The following PCDHA3 variants were observed in gnomAD, a reference collection of about 807,000 sequenced individuals.
PCDHA3 encodes protocadherin alpha 3.
Under a neutral mutation model 62.2 loss-of-function variants are expected in PCDHA3, and 41 were observed. The observed-to-expected ratio is 0.66, with a 90% CI of 0.51 to 0.86. The LOEUF is 0.86. Among genes scored for constraint, PCDHA3 ranks in the 40% least tolerant of loss-of-function variants. PCDHA3 has a pLI of 0.00. For missense variants in PCDHA3, 1,304 were observed against 1,241.2 expected (o/e 1.05, Z -0.76); for synonymous variants, 640 against 555.4 (o/e 1.15, Z -2.14).
Position 140,927,906 on chromosome 5 carries a change from C to T in PCDHA3, c.2395-51043C>T, listed in dbSNP as rs116016831. On this transcript the variant is annotated intron_variant, in intron 1 of 3. Coordinates refer to ENST00000522353, the MANE Select transcript of PCDHA3 (RefSeq NM_018906.3). ...TGACTGACGTGAACGATCATGCCCC[C>T]GAACTGGACTTCCTGACTCTTTCGA... is the stretch of plus-strand genomic sequence containing the variant. 5,195 of 1,614,178 alleles carry T rather than the reference C, an allele frequency of 3.2e-3. 26 individuals are homozygous for T. The highest frequency in any genetic ancestry group is 0.019 in the African/African-American group (1,450 of 75,038).
At chr5:140,876,028 A>G in intron 1 of PCDHA3, 1 of 1,613,716 alleles carries the variant, frequency 6.2e-7, no homozygotes, top group Non-Finnish European at 8.5e-7. Flanking sequence ...AAAAACAAAA[A>G]AAGATAAAAG....
chr5:140,884,371 C>T, intron 1 of PCDHA3: 2 of 1,613,948 alleles, frequency 1.2e-6, no homozygotes, highest in Non-Finnish European at 1.7e-6. Flanking sequence ...TTTACTTGAT[C>T]ATTGCCATCT....
At chr5:140,938,715 C>T (rs138044331) in intron 1 of PCDHA3, among the ~76,000 whole-genome samples, 10 of 152,038 alleles carry the variant, frequency 6.6e-5, no homozygotes, top group African/African-American at 2.4e-4. Flanking sequence ...ATGATAGAAA[C>T]GCGTTTCTAC....
intron 1 of PCDHA3, chr5:140,870,201 G>T: frequency 6.2e-7 from 1 of 1,614,140 alleles, no homozygotes; most frequent in South Asian, 1.1e-5. Flanking sequence ...AGCCCAGCAC[G>T]GTCATTGCCC....
rs372863331 is a variant in PCDHA3 at position 140,801,830 on chromosome 5, A to G, written c.633A>G (p.Leu211=). The G allele has an allele frequency of 1.5e-5, 24 of 1,613,996 alleles. No individual in the cohort carries two copies. The highest frequency in any genetic ancestry group is 1.6e-4 in the Middle Eastern group (1 of 6,084). ...NREDTPKHYL[L]ITAIDGGKPE... is the part of the protein sequence containing the mutation. ...AGGACACTCCTAAGCATTATTTACT[A>G]ATAACAGCAATTGATGGTGGGAAAC... Residue 211 remains leucine, a synonymous_variant, in exon 1 of 4, where the codon CTA becomes CTG. Coordinates refer to ENST00000522353, the MANE Select transcript of PCDHA3 (RefSeq NM_018906.3).
intron 1 of PCDHA3, chr5:140,858,165 C>T: frequency 6.3e-7 from 1 of 1,597,786 alleles, no homozygotes; most frequent in Non-Finnish European, 8.6e-7. Context: ...TGCGCGGTGT[C>T]CAGCTTGCTG....
intron 1 of PCDHA3, chr5:140,836,178 G>T (rs2150254808): frequency 1.2e-6 from 2 of 1,613,826 alleles, no homozygotes; most frequent in Non-Finnish European, 1.7e-6. Context: ...TGCAGTTGAC[G>T]CTGACTCAGG....
intron 1 of PCDHA3, chr5:140,968,724 G>C: frequency 6.2e-7 from 1 of 1,614,090 alleles, no homozygotes; most frequent in Non-Finnish European, 8.5e-7. Context: ...GATGAGAGTG[G>C]TAGCACTTTC....
At chr5:140,978,499 T>A (rs1178288273) in intron 1 of PCDHA3, among the ~76,000 whole-genome samples, 1 of 152,238 alleles carries the variant, frequency 6.6e-6, no homozygotes, top group African/African-American at 2.4e-5. Flanking sequence ...AGCAGCAGAT[T>A]GCAGTCCTCT....
Position 141,009,784 on chromosome 5 carries a change from G to T in PCDHA3, c.2700G>T (p.Arg900=). The T allele has an allele frequency of 6.2e-7, 1 of 1,614,054 alleles. No individual in the cohort carries two copies. The highest frequency in any genetic ancestry group is 8.5e-7 in the Non-Finnish European group (1 of 1,180,018). ...GATCTCCTGCAATCATCTCCATCCG[G>T]CAGGAGCCTACTAACAGCCAAATTG... ...IPGSPAIISI[R]QEPTNSQIDK... The change falls in exon 4 of 4, where the codon CGG becomes CGT. Residue 900 remains arginine (R), a synonymous_variant. Coordinates refer to ENST00000522353, the MANE Select transcript of PCDHA3 (RefSeq NM_018906.3).
chr5:140,998,781 C>G (rs1554256464), intron 3 of PCDHA3, among the ~76,000 whole-genome samples: 1 of 152,162 alleles, frequency 6.6e-6, no homozygotes, highest in East Asian at 1.9e-4. Context: ...TCAGGCTGGT[C>G]TGGAACCCCT....
At chr5:140,824,163 C>G in intron 1 of PCDHA3, 1 of 1,610,816 alleles carries the variant, frequency 6.2e-7, no homozygotes, top group South Asian at 1.1e-5. Context: ...TCTTTCCCTC[C>G]CAATTTTCAA....
intron 1 of PCDHA3, chr5:140,856,666 G>C: frequency 1.3e-6 from 2 of 1,598,010 alleles, no homozygotes; most frequent in South Asian, 2.2e-5. Flanking sequence ...AAAATCCTCA[G>C]CTAAAGTTGT....
intron 1 of PCDHA3, among the ~76,000 whole-genome samples, chr5:140,886,777 G>A (rs2061124221): frequency 1.4e-5 from 2 of 140,408 alleles, no homozygotes; most frequent in South Asian, 4.7e-4. Flanking sequence ...AGTGAGATGA[G>A]ATCATGCTAC....
chr5:140,829,852 A>G, intron 1 of PCDHA3: 2 of 1,613,942 alleles, frequency 1.2e-6, no homozygotes, highest in Admixed American at 1.7e-5. Context: ...CACTGGGTGC[A>G]GGCCAAGTGG....
intron 1 of PCDHA3, among the ~76,000 whole-genome samples, chr5:140,894,188 A>AT (rs1157134749): frequency 1.1e-4 from 17 of 152,072 alleles, no homozygotes; most frequent in African/African-American, 4.1e-4. Flanking sequence ...ATAGTTATAT[A>AT]TTTTTTCTAT....
intron 1 of PCDHA3, chr5:140,857,896 T>G: frequency 6.3e-7 from 1 of 1,597,704 alleles, no homozygotes; most frequent in Admixed American, 1.7e-5. Flanking sequence ...CGGCGGTTGG[T>G]GCACGCATCC....
At chr5:140,841,429 C>G (rs2150315333) in intron 1 of PCDHA3, 3 of 1,612,842 alleles carry the variant, frequency 1.9e-6, no homozygotes, top group South Asian at 1.1e-5. Flanking sequence ...ACTCCGTCCC[C>G]GAGGAGGCCA....
At chr5:140,850,107 C>T (rs2150467518) in intron 1 of PCDHA3, 8 of 1,596,052 alleles carry the variant, frequency 5.0e-6, no homozygotes, top group South Asian at 1.1e-5. Context: ...GGTGAGCGCG[C>T]GCGACGCGGG....
Sources: allele counts gnomAD v4.1 joint callset (sites outside exome capture counted in the v4.1 genomes callset), GRCh38; gene constraint gnomAD v4.1.1; transcripts MANE v1.5; gene names NCBI Gene and HGNC (gene_info 2026-07-23, HGNC 2026-07-21).